Variants in COL11A1 observed in about 807,000 individuals in gnomAD.
COL11A1 encodes collagen alpha-1(XI) chain.
COL11A1 carries 74 observed loss-of-function variants against 265.2 expected under a neutral mutation model. That is an observed-to-expected ratio of 0.28 (90% CI 0.23 to 0.34). The LOEUF (loss-of-function observed/expected upper bound fraction) is 0.34. COL11A1 is among the 10% of genes least tolerant of loss of function. COL11A1 has a pLI of 1.00. For synonymous variants in COL11A1, 816 were observed against 727.6 expected (o/e 1.12, Z -1.96); for missense variants, 2,165 against 2,263.6 (o/e 0.96, Z 0.88).
Position 102,955,919 on chromosome 1 carries a change from C to T in COL11A1, c.3168+5947G>A, listed in dbSNP as rs573566324. On this transcript the variant is annotated intron_variant, in intron 41 of 66. Transcript: ENST00000370096. ...GACTACATCCCCTGAGATCAGAAGA[C>T]ATGCCCTGGATTTGATTGGCATCTG... 2.0e-5 allele frequency among the ~76,000 whole-genome samples: 3 copies of T among 152,280 alleles called. No homozygotes were observed. The East Asian group carries it at 5.8e-4, about 29-fold the overall frequency.
intron 40 of COL11A1, 72 bp downstream of exon 40, chr1:102,962,104 A>T: frequency 7.8e-7 from 1 of 1,279,054 alleles, no homozygotes; most frequent in Non-Finnish European, 1.1e-6. Flanking sequence ...ATCACTTCTT[A>T]AGTTCTGAGA....
chr1:103,025,808 C>T lies in COL11A1; in HGVS notation c.898-195G>A, dbSNP rs774299581. On this transcript the variant is annotated intron_variant, in intron 6 of 66. Coordinates refer to ENST00000370096, the MANE Select transcript of COL11A1 (RefSeq NM_001854.4). ...TGCTTTTTCTTCGCTACCTTTACCC[C>T]TAGTTTGGCTTTTGCTGATGCTTGA... 5 of 1,613,054 alleles carry T rather than the reference C, an allele frequency of 3.1e-6. No homozygotes were observed. The East Asian group carries it at 1.1e-4, about 36-fold the overall frequency.
chr1:102,935,827 A>G (rs972835641), intron 44 of COL11A1, among the ~76,000 whole-genome samples: 1 of 152,166 alleles, frequency 6.6e-6, no homozygotes, highest in African/African-American at 2.4e-5. Context: ...AAGATTTTGA[A>G]AAGCTGGTTC....
rs149842131 is a variant in COL11A1 at position 102,976,289 on chromosome 1, C to CTTTTTTTTTT, written c.2755-1416_2755-1407dup. Among the ~76,000 whole-genome samples, 65 of 58,602 alleles carry CTTTTTTTTTT rather than the reference C, an allele frequency of 1.1e-3. 18 individuals are homozygous for CTTTTTTTTTT. Among genetic ancestry groups the CTTTTTTTTTT allele is most frequent in the East Asian group, 5.8e-3 (9 of 1,552 alleles). 38.4% of individuals were successfully genotyped at this position (58,602 alleles called of 152,430 possible). A position where few individuals can be genotyped will look rare whatever the true frequency, so the allele number is the denominator to read the frequency against. The stretch of plus-strand genomic sequence containing the variant: ...TATAAAATTTCACAGAAAACGTTGG[C>CTTTTTTTTTT]TTTTTTTTTTTTTTTTTTTTTTTTT... On this transcript the variant is annotated intron_variant, in intron 35 of 66. Transcript: ENST00000370096.
intron 10 of COL11A1, 60 bp from the exon 11 acceptor site, chr1:103,017,942 T>G: frequency 2.3e-6 from 3 of 1,302,752 alleles, no homozygotes. Flanking sequence ...TTTAGATGAA[T>G]TCACTCTAGT....
At chr1:103,020,816 A>G (rs1023502239) in intron 9 of COL11A1, among the ~76,000 whole-genome samples, 18 of 135,404 alleles carry the variant, frequency 1.3e-4, no homozygotes, top group African/African-American at 4.5e-4. Flanking sequence ...ATGGCTAGCC[A>G]GTTTTCCCAG....
chr1:103,011,765 G>A (rs1387122128), intron 14 of COL11A1, among the ~76,000 whole-genome samples: 4 of 151,930 alleles, frequency 2.6e-5, no homozygotes, highest in African/African-American at 9.7e-5. Flanking sequence ...TAAAATTAAT[G>A]AGAATCCTGG....
At chr1:102,905,810 C>T (rs544219653) in intron 54 of COL11A1, among the ~76,000 whole-genome samples, 11 of 152,094 alleles carry the variant, frequency 7.2e-5, no homozygotes, top group Non-Finnish European at 1.5e-4. Context: ...ATATACTATA[C>T]TCTGAAAGTG....
rs185566497 is a variant in COL11A1, at chr1:102,941,538, C to T, written c.3277-1104G>A. 2.0e-3 allele frequency among the ~76,000 whole-genome samples: 305 copies of T among 152,326 alleles called. 3 individuals are homozygous for T. Among genetic ancestry groups the T allele is most frequent in the Non-Finnish European group, 3.0e-3 (206 of 68,030 alleles). ...CCCCTAACCCTTGCTCTCTGCATTC[C>T]AACCCTTCTAGACATTTTTCTCAGT... On this transcript the variant is annotated intron_variant, in intron 42 of 66. Coordinates refer to ENST00000370096, the MANE Select transcript of COL11A1 (RefSeq NM_001854.4).
intron 1 of COL11A1, among the ~76,000 whole-genome samples, chr1:103,091,056 C>G (rs536439921): frequency 6.6e-6 from 1 of 152,148 alleles, no homozygotes; most frequent in African/African-American, 2.4e-5. Flanking sequence ...CTTCATTACC[C>G]CCTAGTAGTA....
intron 46 of COL11A1, among the ~76,000 whole-genome samples, chr1:102,927,899 C>A (rs868083827): frequency 6.6e-6 from 1 of 152,042 alleles, no homozygotes; most frequent in African/African-American, 2.4e-5. Flanking sequence ...TTGGCAGGAT[C>A]CCATTTCTCA....
At chr1:103,046,099 A>G (rs1669241516) in intron 4 of COL11A1, among the ~76,000 whole-genome samples, 1 of 151,618 alleles carries the variant, frequency 6.6e-6, no homozygotes, top group East Asian at 1.9e-4. Context: ...GTGTCTTTAT[A>G]GCAGCATGAT....
At position 102,987,825 on chromosome 1, in the gene COL11A1, G is replaced by A. The variant is rs1022860467; in HGVS notation, c.2395-85C>T. 9.5e-6 allele frequency: 9 copies of A among 944,794 alleles called. No homozygotes were observed. The East Asian group carries it at 2.2e-4, about 23-fold the overall frequency. 58.5% of individuals were successfully genotyped at this position (944,794 alleles called of 1,614,324 possible). A position where few individuals can be genotyped will look rare whatever the true frequency, so the allele number is the denominator to read the frequency against. On this transcript the variant is annotated intron_variant, in intron 29 of 66. Transcript: ENST00000370096. ...GGGAAAAAATTATGACAGTGAAAGA[G>A]ATCTGATATAATAAACTCCATCTTG...
chr1:103,092,456 C>T (rs147130718), intron 1 of COL11A1, among the ~76,000 whole-genome samples: 1 of 152,100 alleles, frequency 6.6e-6, no homozygotes, highest in East Asian at 1.9e-4. Flanking sequence ...TTTGTCAAAT[C>T]TTATGCACAC....
Position 103,017,898 on chromosome 1 carries a change from C to T in COL11A1, c.1351-16G>A, listed in dbSNP as rs758784824. 3.8e-6 allele frequency: 6 copies of T among 1,596,624 alleles called. No individual in the cohort carries two copies. Among genetic ancestry groups the T allele is most frequent in the Non-Finnish European group, 1.7e-6 (2 of 1,164,368 alleles). ...CCATAATACCCTATAGAGAAACACA[C>T]CATATCTTAATCAGATTCCTAATCT... On this transcript the variant is annotated splice_polypyrimidine_tract_variant and intron_variant, in intron 10 of 66. Coordinates refer to ENST00000370096, the MANE Select transcript of COL11A1 (RefSeq NM_001854.4).
chr1:102,996,081 T>G, intron 26 of COL11A1, 39 bp from the exon 27 acceptor site: 1 of 1,589,760 alleles, frequency 6.3e-7, no homozygotes, highest in East Asian at 2.2e-5. Flanking sequence ...TGTAATAAAT[T>G]GAAAGTGCTA....
In COL11A1 at chr1:102,923,386, G is replaced by C. The variant is rs1656210381; in HGVS notation, c.3604C>G (p.Leu1202Val). ...CCTTTTTCACCAGGTGGGCCTGGCAGACCCTAAGAAAATATAATAGAAAAA... is the reference window on the plus strand; with the variant it reads ...CCTTTTTCACCAGGTGGGCCTGGCACACCCTAAGAAAATATAATAGAAAAA... ...GPPGPIGLQG[L>V]PGPPGEKGEN... Residue 1202 changes from leucine to valine, a missense_variant, in exon 47 of 67, where the codon CTG (leucine) becomes GTG (valine). Transcript: ENST00000370096. 3 of 1,597,712 alleles carry C rather than the reference G, an allele frequency of 1.9e-6. No homozygotes were observed. In the East Asian group the frequency reaches 6.8e-5, roughly 36 times the overall value.
At chr1:102,927,475 G>C (rs1331863672) in intron 46 of COL11A1, among the ~76,000 whole-genome samples, 1 of 152,102 alleles carries the variant, frequency 6.6e-6, no homozygotes, top group African/African-American at 2.4e-5. Context: ...CCAGCACTTT[G>C]GGAGGCTGAG....
At chr1:102,925,751 T>G (rs1656527742) in intron 46 of COL11A1, among the ~76,000 whole-genome samples, 1 of 152,130 alleles carries the variant, frequency 6.6e-6, no homozygotes, top group Admixed American at 6.5e-5. Context: ...ACACATAAAC[T>G]TAAATTCTTA....
Sources: gnomAD v4.1 joint callset for allele counts (sites outside exome capture counted in the v4.1 genomes callset) on GRCh38, gnomAD v4.1.1 for gene constraint, MANE v1.5 for transcripts, NCBI Gene and HGNC (gene_info 2026-07-23, HGNC 2026-07-21) for gene names.